The following LAMA3 variants were observed in gnomAD, a reference collection of about 807,000 sequenced individuals.
LAMA3 encodes laminin subunit alpha 3, also known as laminin subunit alpha-3.
A neutral mutation model predicts 402.0 loss-of-function variants in LAMA3; 281 were observed. The ratio of observed to expected loss-of-function variants is 0.70; its 90% CI spans 0.63 to 0.77. The LOEUF is 0.77. LAMA3 is among the 30% of genes least tolerant of loss of function. LAMA3 has a pLI of 0.00. For missense variants in LAMA3, 3,840 were observed against 4,215.5 expected (o/e 0.91, Z 2.47); for synonymous variants, 1,431 against 1,558.4 (o/e 0.92, Z 1.93).
intron 67 of LAMA3, among the ~76,000 whole-genome samples, chr18:23,935,225 G>A (rs1154237): frequency 0.19 from 28,919 of 152,190 alleles, 2,808 homozygotes; most frequent in South Asian, 0.24. Context: ...CCCAGTCTGG[G>A]TTATTGGATG....
At chr18:23,946,011 A>T in intron 69 of LAMA3, 133 bp from the exon 70 acceptor site, 1 of 868,746 alleles carries the variant, frequency 1.2e-6, no homozygotes, top group Non-Finnish European at 1.9e-6. Flanking sequence ...GGAGGAAAAA[A>T]TCTCTCATCT....
chr18:23,815,696 T>G (rs1374443963), intron 17 of LAMA3, 123 bp downstream of exon 17: 3 of 757,976 alleles, frequency 4.0e-6, no homozygotes, highest in Non-Finnish European at 7.0e-6. Flanking sequence ...CCTGAAACAT[T>G]CTGTCCAGGG....
chr18:23,690,083 C>T (rs2060551972), intron 1 of LAMA3, 106 bp downstream of exon 1: 3 of 921,592 alleles, frequency 3.3e-6, no homozygotes, highest in Non-Finnish European at 4.6e-6. Context: ...CTAGTGGCTC[C>T]GGGCGACTGG....
intron 11 of LAMA3, chr18:23,781,249 A>T (rs1482462876): frequency 2.2e-6 from 1 of 454,756 alleles, no homozygotes; most frequent in East Asian, 7.0e-5. Context: ...CTCAGCCTAC[A>T]GGGCTGTGGC....
chr18:23,767,319 G>A (rs1397780210), intron 8 of LAMA3, among the ~76,000 whole-genome samples: 1 of 152,086 alleles, frequency 6.6e-6, no homozygotes, highest in Admixed American at 6.6e-5. Context: ...CAGATTCAAC[G>A]CTATTTCTAT....
chr18:23,951,872 C>A, intron 73 of LAMA3, 95 bp downstream of exon 73: 1 of 943,526 alleles, frequency 1.1e-6, no homozygotes, highest in South Asian at 1.4e-5. Flanking sequence ...CCCCTCCATC[C>A]ACAGTGCCTG....
intron 68 of LAMA3, among the ~76,000 whole-genome samples, chr18:23,941,084 C>T (rs539916960): frequency 4.3e-4 from 65 of 152,070 alleles, no homozygotes; most frequent in African/African-American, 1.6e-3. Context: ...TATAGGCACC[C>T]GCCACCACGC....
At chr18:23,722,560 C>G (rs2061233339) in intron 2 of LAMA3, among the ~76,000 whole-genome samples, 1 of 152,160 alleles carries the variant, frequency 6.6e-6, no homozygotes, top group Non-Finnish European at 1.5e-5. Context: ...TTTAAGCTAA[C>G]ATTTACATTT....
chr18:23,802,234 A>G (rs2062878484), intron 12 of LAMA3, among the ~76,000 whole-genome samples: 1 of 152,238 alleles, frequency 6.6e-6, no homozygotes, highest in South Asian at 2.1e-4. Flanking sequence ...AATCTAAAAC[A>G]TGTTTGGTCC....
At chr18:23,933,294 G>T (rs190414871) in intron 66 of LAMA3, among the ~76,000 whole-genome samples, 162 of 152,298 alleles carry the variant, frequency 1.1e-3, no homozygotes, top group African/African-American at 3.8e-3. Context: ...AGTCAATAAA[G>T]GTTTCTTGGG....
intron 39 of LAMA3, among the ~76,000 whole-genome samples, chr18:23,878,474 A>G (rs1414259145): frequency 1.3e-5 from 2 of 152,214 alleles, no homozygotes; most frequent in African/African-American, 2.4e-5. Context: ...CTAGTAGGCA[A>G]TGTGTATGTG....
intron 34 of LAMA3, among the ~76,000 whole-genome samples, chr18:23,860,293 CTG>C (rs2064187706): frequency 8.1e-6 from 1 of 122,734 alleles, no homozygotes; most frequent in African/African-American, 3.1e-5. Context: ...GACAGGGTCT[CTG>C]TTGCCTAGGC....
At chr18:23,714,872 T>C (rs1207007289) in intron 2 of LAMA3, among the ~76,000 whole-genome samples, 2 of 152,170 alleles carry the variant, frequency 1.3e-5, no homozygotes, top group Non-Finnish European at 2.9e-5. Flanking sequence ...CTACTTCTCT[T>C]ACTGTGAATT....
chr18:23,830,948 C>G (rs2063479662), intron 23 of LAMA3, among the ~76,000 whole-genome samples: 1 of 152,084 alleles, frequency 6.6e-6, no homozygotes, highest in African/African-American at 2.4e-5. Context: ...TTCGGTATTC[C>G]CTACCTAAAT....
chr18:23,921,164 A>G (rs2081822792), intron 61 of LAMA3, 110 bp downstream of exon 61: 4 of 1,252,980 alleles, frequency 3.2e-6, no homozygotes, highest in Admixed American at 1.9e-5. Context: ...AGATAAACTT[A>G]TGGATGTTAA....
At chr18:23,781,442 A>G (rs528836612) in intron 11 of LAMA3, among the ~76,000 whole-genome samples, 1 of 152,352 alleles carries the variant, frequency 6.6e-6, no homozygotes, top group South Asian at 2.1e-4. Context: ...ACAGATTAAC[A>G]GTAAAAAAGC....
At position 23,816,402 on chromosome 18, in the gene LAMA3, A is replaced by T. The variant is rs1490372480; in HGVS notation, c.2062A>T (p.Ile688Phe). Residue 688 changes from isoleucine to phenylalanine, a missense_variant, in exon 18 of 75, where the codon ATT becomes TTT. By Grantham distance (21) the Ile-to-Phe change is conservative. This residue lies in a region of LAMA3 where 2,109 missense variants were observed against 2,376.0 expected (regional missense o/e 0.89). Transcript: ENST00000313654. ...CTGGCTTTCAGGGTGTCAGTGTGAC[A>T]TTGGTGGGGCATTGTCCTCCATGTG... is the stretch of plus-strand genomic sequence containing the variant. ...YFGCQGCQCD[I>F]GGALSSMCSG... The T allele has an allele frequency of 1.2e-6, 2 of 1,613,884 alleles. No homozygotes were observed. Among genetic ancestry groups the T allele is most frequent in the Admixed American group, 1.7e-5 (1 of 59,992 alleles).
intron 13 of LAMA3, among the ~76,000 whole-genome samples, chr18:23,812,128 C>A (rs2063085032): frequency 6.6e-6 from 1 of 152,202 alleles, no homozygotes; most frequent in Non-Finnish European, 1.5e-5. Flanking sequence ...CCGCCTTGGC[C>A]TCCCAAAGTG....
chr18:23,809,331 C>A (rs1463153962), intron 12 of LAMA3, among the ~76,000 whole-genome samples: 3 of 152,194 alleles, frequency 2.0e-5, no homozygotes. Flanking sequence ...GTGTCTGACT[C>A]CAAAGACTGA....
Sources: allele counts gnomAD v4.1 joint callset (sites outside exome capture counted in the v4.1 genomes callset), GRCh38; gene constraint gnomAD v4.1.1; regional missense constraint gnomAD v4.1.1; transcripts MANE v1.5; gene names NCBI Gene and HGNC (gene_info 2026-07-23, HGNC 2026-07-21).